Variants in IL1RL2 observed in about 807,000 individuals in gnomAD.
IL1RL2 encodes interleukin 1 receptor like 2.
IL1RL2 carries 68 observed loss-of-function variants against 66.8 expected under a neutral mutation model. The observed-to-expected ratio is 1.02, with a 90% CI of 0.84 to 1.25. The LOEUF (loss-of-function observed/expected upper bound fraction) is 1.25. IL1RL2 is among the 50% of genes most tolerant of loss of function. The probability of loss-of-function intolerance (pLI) is 0.00; values close to 1 mark genes in which losing one functional copy is unlikely to be tolerated. For missense variants in IL1RL2, 729 were observed against 709.3 expected (o/e 1.03, Z -0.32); for synonymous variants, 305 against 264.6 (o/e 1.15, Z -1.48).
intron 4 of IL1RL2, among the ~76,000 whole-genome samples, chr2:102,199,478 C>T (rs986750219): frequency 2.6e-5 from 4 of 152,156 alleles, no homozygotes; most frequent in East Asian, 1.9e-4. Context: ...GTTTTCTTCA[C>T]GTTGCCTGGA....
chr2:102,191,465 G>T (rs183620058), intron 3 of IL1RL2, among the ~76,000 whole-genome samples: 12 of 152,240 alleles, frequency 7.9e-5, no homozygotes, highest in African/African-American at 2.6e-4. Flanking sequence ...GCATTTGGTT[G>T]CCATGAATAT....
chr2:102,216,996 A>T (rs891664573), intron 6 of IL1RL2, among the ~76,000 whole-genome samples: 2 of 152,242 alleles, frequency 1.3e-5, no homozygotes, highest in Admixed American at 1.3e-4. Flanking sequence ...GTCTTGAAAG[A>T]TTTACATAGC....
At chr2:102,202,138 A>G (rs1423615127) in intron 5 of IL1RL2, among the ~76,000 whole-genome samples, 1 of 152,002 alleles carries the variant, frequency 6.6e-6, no homozygotes, top group Non-Finnish European at 1.5e-5. Context: ...CAGAGCTCAG[A>G]GTTCTGGATA....
chr2:102,201,508 A>T, intron 4 of IL1RL2, 48 bp from the exon 5 acceptor site: 3 of 1,551,142 alleles, frequency 1.9e-6, no homozygotes, highest in Non-Finnish European at 2.7e-6. Flanking sequence ...GGGATCACAC[A>T]GGTTTCTAAG....
rs868007489 is a variant in IL1RL2, at chr2:102,195,689, T to C, written c.489+3569T>C. On this transcript the variant is annotated intron_variant, in intron 4 of 11. Coordinates refer to ENST00000264257, the MANE Select transcript of IL1RL2 (RefSeq NM_003854.4). ...TTTCTTTCTTTCTTTCTTTCTTCTT[T>C]CTTCCTTCCTTCCTTCTTTCTTTCT... 1.5e-4 allele frequency among the ~76,000 whole-genome samples: 21 copies of C among 136,754 alleles called. 1 individual carries two copies. Among genetic ancestry groups the C allele is most frequent in the Middle Eastern group, 3.7e-3 (1 of 272 alleles). The allele number at this position is 136,754 out of a possible 152,430, so 89.7% of individuals were successfully genotyped here.
intron 5 of IL1RL2, among the ~76,000 whole-genome samples, chr2:102,204,121 T>C (rs1688500343): frequency 6.6e-6 from 1 of 152,182 alleles, no homozygotes; most frequent in Non-Finnish European, 1.5e-5. Flanking sequence ...AGTTTCCTTC[T>C]TAATTTCTTC....
Position 102,219,854 on chromosome 2 carries a change from T to C in IL1RL2, c.855-27T>C. ...ATGTTGGGTAAATCTGACTCATGTA[T>C]TAATGACTTACTCTTTTCTTTTATA... On this transcript the variant is annotated intron_variant, in intron 7 of 11. Coordinates refer to ENST00000264257, the MANE Select transcript of IL1RL2 (RefSeq NM_003854.4). 4 of 1,586,242 alleles carry C rather than the reference T, an allele frequency of 2.5e-6. No individual in the cohort carries two copies. In the South Asian group the frequency reaches 3.3e-5, roughly 13 times the overall value.
chr2:102,190,027 C>T (rs1379349447), intron 3 of IL1RL2, among the ~76,000 whole-genome samples: 3 of 152,152 alleles, frequency 2.0e-5, no homozygotes, highest in Non-Finnish European at 4.4e-5. Context: ...CTCCTATGAG[C>T]GCTTTTCACG....
At chr2:102,220,091 T>TCACTGCTCCTTCA in intron 8 of IL1RL2, 74 bp downstream of exon 8, 1 of 1,369,840 alleles carries the variant, frequency 7.3e-7, no homozygotes, top group Non-Finnish European at 1.0e-6. Flanking sequence ...GAAGGAGCAG[T>TCACTGCTCCTTCA]GACTCTAAAT....
At chr2:102,216,400 T>A (rs577754217) in intron 6 of IL1RL2, among the ~76,000 whole-genome samples, 2 of 152,212 alleles carry the variant, frequency 1.3e-5, no homozygotes, top group African/African-American at 2.4e-5. Flanking sequence ...TTGCATGGAA[T>A]ATCTTTTTTT....
chr2:102,240,282 A>G (rs1183549213), downstream of IL1RL2, among the ~76,000 whole-genome samples: 11 of 151,542 alleles, frequency 7.3e-5, no homozygotes, highest in Admixed American at 7.2e-4. Flanking sequence ...ACAGCCACCA[A>G]AGCTTTATGT....
At chr2:102,194,883 G>T (rs772838679) in intron 4 of IL1RL2, among the ~76,000 whole-genome samples, 1 of 151,512 alleles carries the variant, frequency 6.6e-6, no homozygotes, top group Non-Finnish European at 1.5e-5. Context: ...GAGTGGCTGC[G>T]GGTTACCTTG....
intron 1 of IL1RL2, 72 bp from the exon 2 acceptor site, chr2:102,187,784 G>A (rs538143191): frequency 1.2e-5 from 15 of 1,303,380 alleles, no homozygotes; most frequent in African/African-American, 1.5e-5. Flanking sequence ...AGATTCCGAG[G>A]TCGCCCACGC....
intron 5 of IL1RL2, among the ~76,000 whole-genome samples, chr2:102,208,530 A>G (rs922624936): frequency 1.3e-5 from 2 of 152,220 alleles, no homozygotes; most frequent in African/African-American, 4.8e-5. Context: ...CATCTAGATG[A>G]GAAGAACTAA....
chr2:102,237,211 G>A (rs1297627168), intron 11 of IL1RL2, among the ~76,000 whole-genome samples: 1 of 152,218 alleles, frequency 6.6e-6, no homozygotes, highest in Non-Finnish European at 1.5e-5. Flanking sequence ...AAGGAAGGGG[G>A]AAGGGTGCTG....
intron 5 of IL1RL2, among the ~76,000 whole-genome samples, chr2:102,206,355 T>C (rs1379645691): frequency 1.3e-5 from 2 of 152,164 alleles, no homozygotes; most frequent in Non-Finnish European, 2.9e-5. Flanking sequence ...ATTGTAGTCT[T>C]CACTCTCTGG....
chr2:102,195,623 T>TC (rs1687666650), intron 4 of IL1RL2, among the ~76,000 whole-genome samples: 3 of 13,718 alleles, frequency 2.2e-4, no homozygotes, highest in Admixed American at 6.4e-4. Context: ...CTTTCTTTCT[T>TC]TCTTTCTCTC....
intron 8 of IL1RL2, among the ~76,000 whole-genome samples, chr2:102,225,288 G>C (rs1468923094): frequency 2.0e-5 from 3 of 152,238 alleles, no homozygotes; most frequent in African/African-American, 7.2e-5. Context: ...TTCTGAGACT[G>C]TGCCTCTCGC....
At chr2:102,210,562 G>A (rs1689084781) in intron 5 of IL1RL2, among the ~76,000 whole-genome samples, 3 of 152,170 alleles carry the variant, frequency 2.0e-5, no homozygotes, top group Non-Finnish European at 4.4e-5. Flanking sequence ...AAGATGGAGA[G>A]ATATGGATGG....
Sources: gnomAD v4.1 joint callset for allele counts (sites outside exome capture counted in the v4.1 genomes callset) on GRCh38, gnomAD v4.1.1 for gene constraint, MANE v1.5 for transcripts, NCBI Gene and HGNC (gene_info 2026-07-23, HGNC 2026-07-21) for gene names.